Variants in SLX4IP observed in about 807,000 individuals in gnomAD.
SLX4IP encodes SLX4 interacting protein.
In SLX4IP, 34 loss-of-function variants were observed where a neutral mutation model predicts 32.9. That is an observed-to-expected ratio of 1.03 (90% CI 0.79 to 1.38). The LOEUF (loss-of-function observed/expected upper bound fraction) is 1.38, where lower values mean the gene tolerates loss of function less well. SLX4IP is among the 40% of genes most tolerant of loss of function. SLX4IP has a pLI of 0.00. For synonymous variants in SLX4IP, 172 were observed against 171.7 expected (o/e 1.00, Z -0.01); for missense variants, 444 against 479.0 (o/e 0.93, Z 0.68).
chr20:10,487,419 A>G (rs1373419612), intron 2 of SLX4IP, among the ~76,000 whole-genome samples: 1 of 152,208 alleles, frequency 6.6e-6, no homozygotes, highest in African/African-American at 2.4e-5. Flanking sequence ...ATTAATTTGT[A>G]ATGGAAAATA....
chr20:10,586,534 G>C (rs559517388), intron 4 of SLX4IP, among the ~76,000 whole-genome samples: 18 of 152,016 alleles, frequency 1.2e-4, no homozygotes, highest in Non-Finnish European at 2.5e-4. Context: ...TTTATGTAAG[G>C]GTTCCTAGTA....
At chr20:10,463,704 A>T (rs561520395) in intron 2 of SLX4IP, among the ~76,000 whole-genome samples, 2 of 152,378 alleles carry the variant, frequency 1.3e-5, no homozygotes, top group African/African-American at 4.8e-5. Context: ...AAGAAAAATG[A>T]TGCAACCCTC....
At chr20:10,502,395 G>A (rs1007989736) in intron 2 of SLX4IP, among the ~76,000 whole-genome samples, 1 of 152,164 alleles carries the variant, frequency 6.6e-6, no homozygotes, top group Non-Finnish European at 1.5e-5. Context: ...CTGGGGTATT[G>A]ATCCAGGCCA....
intron 6 of SLX4IP, among the ~76,000 whole-genome samples, chr20:10,616,198 T>C (rs1360883476): frequency 2.6e-5 from 4 of 152,016 alleles, no homozygotes; most frequent in Admixed American, 2.0e-4. Flanking sequence ...GCACATTGTG[T>C]TGGGTCTCCC....
At chr20:10,465,592 G>A (rs1326015144) in intron 2 of SLX4IP, among the ~76,000 whole-genome samples, 1 of 152,186 alleles carries the variant, frequency 6.6e-6, no homozygotes, top group Non-Finnish European at 1.5e-5. Flanking sequence ...TGCAACCTCT[G>A]CCTCCCAGGT....
At chr20:10,570,902 T>C (rs1232507634) in intron 4 of SLX4IP, among the ~76,000 whole-genome samples, 2 of 152,192 alleles carry the variant, frequency 1.3e-5, no homozygotes, top group Non-Finnish European at 2.9e-5. Flanking sequence ...CAGTCGTGGC[T>C]CATGGCAGCC....
chr20:10,443,807 A>C (rs1015286263), intron 1 of SLX4IP, among the ~76,000 whole-genome samples: 2 of 152,164 alleles, frequency 1.3e-5, no homozygotes, highest in Admixed American at 1.3e-4. Flanking sequence ...TTCTCAGGAT[A>C]GTGAGTTCTC....
chr20:10,581,787 T>C (rs959166556), intron 4 of SLX4IP, among the ~76,000 whole-genome samples: 1 of 152,042 alleles, frequency 6.6e-6, no homozygotes, highest in Non-Finnish European at 1.5e-5. Context: ...CTGAGTGTGG[T>C]GGTGTGCACC....
chr20:10,571,911 A>G (rs1394566042), intron 4 of SLX4IP, among the ~76,000 whole-genome samples: 1 of 152,202 alleles, frequency 6.6e-6, no homozygotes. Flanking sequence ...TCAAAACCAC[A>G]ACTTACCCCA....
intron 4 of SLX4IP, among the ~76,000 whole-genome samples, chr20:10,578,517 A>G (rs1459192516): frequency 6.6e-6 from 1 of 152,268 alleles, no homozygotes; most frequent in African/African-American, 2.4e-5. Context: ...ACATTTGGCT[A>G]TGATGAATAA....
chr20:10,476,484 G>A (rs1245018434), intron 2 of SLX4IP, among the ~76,000 whole-genome samples: 5 of 152,148 alleles, frequency 3.3e-5, no homozygotes, highest in Non-Finnish European at 7.3e-5. Context: ...TAGCCATTGT[G>A]CAAAGTCTAC....
chr20:10,500,132 T>TC (rs1308154745), intron 2 of SLX4IP, among the ~76,000 whole-genome samples: 3 of 137,406 alleles, frequency 2.2e-5, no homozygotes, highest in Admixed American at 2.2e-4. Context: ...TCAAAATTCT[T>TC]TTTTTTTTTT....
At chr20:10,438,508 C>T (rs1481967840) in intron 1 of SLX4IP, among the ~76,000 whole-genome samples, 1 of 138,644 alleles carries the variant, frequency 7.2e-6, no homozygotes, top group Admixed American at 7.6e-5. Flanking sequence ...GATGAAGTCT[C>T]CCTCTGTCAC....
At chr20:10,449,670 T>C (rs1289815257) in intron 1 of SLX4IP, among the ~76,000 whole-genome samples, 1 of 152,174 alleles carries the variant, frequency 6.6e-6, no homozygotes, top group African/African-American at 2.4e-5. Context: ...TTGTGACTTT[T>C]TGAATTTCCA....
At chr20:10,542,354 T>C (rs905418563) in intron 2 of SLX4IP, among the ~76,000 whole-genome samples, 1 of 152,262 alleles carries the variant, frequency 6.6e-6, no homozygotes, top group Non-Finnish European at 1.5e-5. Context: ...CTGCTTCATC[T>C]GGTTCTCTAT....
chr20:10,437,303 C>A (rs1382434608), intron 1 of SLX4IP, among the ~76,000 whole-genome samples: 1 of 152,086 alleles, frequency 6.6e-6, no homozygotes. Context: ...TTCTGTCTTT[C>A]TTTAATGAGA....
At position 10,596,976 on chromosome 20, in the gene SLX4IP, C is replaced by T. The variant is rs185903672; in HGVS notation, c.239-1699C>T. 4.6e-5 allele frequency among the ~76,000 whole-genome samples: 7 copies of T among 152,250 alleles called. No homozygotes were observed. The East Asian group carries it at 9.7e-4, about 21-fold the overall frequency. On this transcript the variant is annotated intron_variant, in intron 4 of 7. Coordinates refer to ENST00000334534, the MANE Select transcript of SLX4IP (RefSeq NM_001009608.3). ...AAAAATTATTTTATCTCAGCAAATC[C>T]GGAGATTATCCTTTCATAGATGTCA...
chr20:10,584,619 T>C (rs947564319), intron 4 of SLX4IP, among the ~76,000 whole-genome samples: 2 of 152,198 alleles, frequency 1.3e-5, no homozygotes, highest in Non-Finnish European at 2.9e-5. Context: ...CCCCAGGTTC[T>C]CTGGGCCTGG....
intron 2 of SLX4IP, among the ~76,000 whole-genome samples, chr20:10,509,143 A>G (rs1396929464): frequency 6.6e-6 from 1 of 152,188 alleles, no homozygotes; most frequent in Non-Finnish European, 1.5e-5. Context: ...ACCTAGTGCC[A>G]GGGGCACGGA....
Sources: gnomAD v4.1 joint callset for allele counts (sites outside exome capture counted in the v4.1 genomes callset) on GRCh38, gnomAD v4.1.1 for gene constraint, MANE v1.5 for transcripts, NCBI Gene and HGNC (gene_info 2026-07-23, HGNC 2026-07-21) for gene names.